The following IGFL2 variants were observed in gnomAD, a reference collection of about 807,000 sequenced individuals.
The protein encoded by IGFL2 is insulin growth factor-like family member 2.
Under a neutral mutation model 13.9 loss-of-function variants are expected in IGFL2, and 7 were observed. The observed-to-expected ratio is 0.51, with a 90% CI of 0.29 to 0.95. The LOEUF (loss-of-function observed/expected upper bound fraction) is 0.95. IGFL2 is among the 40% of genes least tolerant of loss of function. The pLI, the probability that IGFL2 is intolerant of heterozygous loss-of-function variation, is 0.08. For synonymous variants in IGFL2, 55 were observed against 55.8 expected (o/e 0.99, Z 0.07); for missense variants, 138 against 147.8 (o/e 0.93, Z 0.34).
chr19:46,116,037 A>G, the IGFL2 span, among the ~76,000 whole-genome samples: 1 of 152,062 alleles, frequency 6.6e-6, no homozygotes, highest in Admixed American at 6.6e-5. Flanking sequence ...TTGATGTTAT[A>G]AGTGGGACTG....
chr19:46,189,816 C>A, the IGFL2 span: 2 of 152,022 alleles, frequency 1.3e-5, no homozygotes, highest in African/African-American at 4.8e-5. Context: ...CATATATAAT[C>A]ATATCTACGA....
At chr19:46,187,103 G>A in the IGFL2 span, among the ~76,000 whole-genome samples, 1 of 152,346 alleles carries the variant, frequency 6.6e-6, no homozygotes, top group East Asian at 1.9e-4. Flanking sequence ...ACCTGCTGGT[G>A]GTTGGACCCA....
At chr19:46,168,204 A>C in the IGFL2 span, among the ~76,000 whole-genome samples, 1 of 152,128 alleles carries the variant, frequency 6.6e-6, no homozygotes, top group Non-Finnish European at 1.5e-5. Context: ...CAAAGCACTG[A>C]GATTACAGGC....
At chr19:46,103,548 T>C in the IGFL2 span, among the ~76,000 whole-genome samples, 1 of 152,134 alleles carries the variant, frequency 6.6e-6, no homozygotes. Context: ...GAGTGGCGGA[T>C]TGGGGATAGT....
the IGFL2 span, among the ~76,000 whole-genome samples, chr19:46,078,730 C>A: frequency 6.6e-6 from 1 of 152,262 alleles, no homozygotes; most frequent in Admixed American, 6.5e-5. Context: ...GGTATTTGAG[C>A]CGATATCCCA....
the IGFL2 span, among the ~76,000 whole-genome samples, chr19:46,183,279 G>A: frequency 1.3e-5 from 2 of 152,236 alleles, no homozygotes; most frequent in East Asian, 3.9e-4. Context: ...CCTCCCACCA[G>A]GTCCTTCTCC....
chr19:46,139,404 A>G (rs1972757345), upstream of IGFL2, among the ~76,000 whole-genome samples: 1 of 151,816 alleles, frequency 6.6e-6, no homozygotes, highest in Non-Finnish European at 1.5e-5. Flanking sequence ...GGCTGAATTT[A>G]AGAAAGAACC....
chr19:46,205,940 A>G, the IGFL2 span, among the ~76,000 whole-genome samples: 1 of 152,214 alleles, frequency 6.6e-6, no homozygotes, highest in Non-Finnish European at 1.5e-5. Flanking sequence ...TGGTGTGCCC[A>G]GATGTGCATT....
the IGFL2 span, among the ~76,000 whole-genome samples, chr19:46,180,943 C>G: frequency 8.5e-5 from 13 of 152,294 alleles, no homozygotes; most frequent in South Asian, 2.1e-3. Flanking sequence ...TGGTGCCCCC[C>G]CAGATTGAGG....
chr19:46,134,028 T>A, the IGFL2 span, among the ~76,000 whole-genome samples: 1 of 151,722 alleles, frequency 6.6e-6, no homozygotes, highest in Non-Finnish European at 1.5e-5. Flanking sequence ...ACATCAGGGG[T>A]AGGGTATGCA....
At chr19:46,086,358 T>G in the IGFL2 span, among the ~76,000 whole-genome samples, 4 of 152,278 alleles carry the variant, frequency 2.6e-5, no homozygotes, top group South Asian at 8.3e-4. Context: ...GGAGTCTCGC[T>G]CTGTCTCCCA....
At chr19:46,182,091 AG>A in the IGFL2 span, among the ~76,000 whole-genome samples, 1 of 152,052 alleles carries the variant, frequency 6.6e-6, no homozygotes. Flanking sequence ...ATTCTGGACC[AG>A]GCGCAGTGGC....
chr19:46,166,856 C>T, the IGFL2 span, among the ~76,000 whole-genome samples: 32 of 152,352 alleles, frequency 2.1e-4, no homozygotes, highest in East Asian at 5.4e-3. Flanking sequence ...CTCTCTTATT[C>T]GCTGAATAAT....
chr19:46,082,868 C>T, the IGFL2 span, among the ~76,000 whole-genome samples: 1 of 152,132 alleles, frequency 6.6e-6, no homozygotes, highest in Non-Finnish European at 1.5e-5. Context: ...CTTTTGTCCT[C>T]TTAGTAGGTG....
At chr19:46,102,594 G>C in the IGFL2 span, among the ~76,000 whole-genome samples, 5 of 152,254 alleles carry the variant, frequency 3.3e-5, no homozygotes, top group African/African-American at 9.6e-5. Flanking sequence ...ATCAGTTAGG[G>C]TGGGGCAGGA....
At chr19:46,211,647 G>A in the IGFL2 span, 56,399 of 151,770 alleles carry the variant, frequency 0.37, 11,847 homozygotes, top group Middle Eastern at 0.51. Flanking sequence ...CTCTCACCCC[G>A]CTTCCTGGAT....
intron 1 of IGFL2, among the ~76,000 whole-genome samples, chr19:46,151,090 ATCC>A (rs1973460160): frequency 6.6e-6 from 1 of 152,050 alleles, no homozygotes; most frequent in South Asian, 2.1e-4. Context: ...GCCCACACCA[ATCC>A]TCTGGTAACT....
chr19:46,161,115 C>G lies in IGFL2; in HGVS notation c.*27C>G. On this transcript the variant is annotated 3_prime_UTR_variant, in exon 4 of 4. Coordinates refer to ENST00000377693, the MANE Select transcript of IGFL2 (RefSeq NM_001135113.2). Reference sequence around the variant, plus strand: ...AAGACATAGAAAGAAAATCAACTTTCACTAAGGCATCTCAGAAACATAGGC... The same window carrying G: ...AAGACATAGAAAGAAAATCAACTTTGACTAAGGCATCTCAGAAACATAGGC... 1 of 1,564,492 alleles carries G rather than the reference C, an allele frequency of 6.4e-7. No homozygotes were observed. The highest frequency in any genetic ancestry group is 1.8e-5 in the Admixed American group (1 of 54,692).
At chr19:46,080,740 T>C in the IGFL2 span, among the ~76,000 whole-genome samples, 1 of 152,222 alleles carries the variant, frequency 6.6e-6, no homozygotes, top group African/African-American at 2.4e-5. Context: ...TCAGACAGTG[T>C]TGACTAGGAA....
Sources: allele counts gnomAD v4.1 joint callset (sites outside exome capture counted in the v4.1 genomes callset), GRCh38; gene constraint gnomAD v4.1.1; transcripts MANE v1.5; gene names NCBI Gene and HGNC (gene_info 2026-07-23, HGNC 2026-07-21).